ADAMTS14: variants seen among roughly 807,000 people sequenced by gnomAD.
ADAMTS14 encodes the protein ADAM metallopeptidase with thrombospondin type 1 motif 14, also known as A disintegrin and metalloproteinase with thrombospondin motifs 14.
In ADAMTS14, 100 loss-of-function variants were observed where a neutral mutation model predicts 128.6. That is an observed-to-expected ratio of 0.78 (90% CI 0.66 to 0.92). The LOEUF (loss-of-function observed/expected upper bound fraction) is 0.92. Among genes scored for constraint, ADAMTS14 ranks in the 40% least tolerant of loss-of-function variants. The pLI, the probability that ADAMTS14 is intolerant of heterozygous loss-of-function variation, is 0.00. For synonymous variants in ADAMTS14, 665 were observed against 653.8 expected, an observed-to-expected ratio of 1.02 and a Z score of -0.26; for missense variants, 1,562 against 1,658.6, an observed-to-expected ratio of 0.94 and a Z score of 1.01.
intron 9 of ADAMTS14, among the ~76,000 whole-genome samples, chr10:70,736,452 T>C (rs1217239672): frequency 1.3e-5 from 2 of 152,060 alleles, no homozygotes; most frequent in Non-Finnish European, 2.9e-5. Flanking sequence ...GACAAGAGCA[T>C]GGGCCATGGC....
intron 17 of ADAMTS14, among the ~76,000 whole-genome samples, 161 bp downstream of exon 17, chr10:70,751,807 C>T (rs1158927426): frequency 6.6e-6 from 1 of 152,216 alleles, no homozygotes; most frequent in Non-Finnish European, 1.5e-5. Context: ...TTGGGCAGGG[C>T]CTTTGGGATG....
chr10:70,687,961 G>C (rs1229349011), intron 2 of ADAMTS14, among the ~76,000 whole-genome samples: 1 of 68,054 alleles, frequency 1.5e-5, no homozygotes. Context: ...CGGGCGGGGG[G>C]CTGACCCCCC....
intron 12 of ADAMTS14, among the ~76,000 whole-genome samples, chr10:70,742,619 C>T (rs1330615277): frequency 6.6e-6 from 1 of 152,220 alleles, no homozygotes; most frequent in Non-Finnish European, 1.5e-5. Flanking sequence ...CTTCCAGATC[C>T]ATTCAGAAAC....
At chr10:70,748,301 G>A (rs1290311450) in intron 15 of ADAMTS14, among the ~76,000 whole-genome samples, 1 of 152,142 alleles carries the variant, frequency 6.6e-6, no homozygotes, top group African/African-American at 2.4e-5. Context: ...GCATAATCAG[G>A]GCTCTGCTAC....
At chr10:70,743,314 G>A (rs567887825) in intron 12 of ADAMTS14, among the ~76,000 whole-genome samples, 1 of 152,286 alleles carries the variant, frequency 6.6e-6, no homozygotes, top group Admixed American at 6.5e-5. Flanking sequence ...GCATTTTACT[G>A]ATTAGGGATA....
intron 19 of ADAMTS14, among the ~76,000 whole-genome samples, chr10:70,757,161 G>A (rs1293320907): frequency 6.6e-6 from 1 of 152,052 alleles, no homozygotes; most frequent in African/African-American, 2.4e-5. Flanking sequence ...TGGAGTCCCT[G>A]CCCCTCCATT....
chr10:70,752,893 C>A (rs946117388), intron 18 of ADAMTS14, among the ~76,000 whole-genome samples: 1 of 152,202 alleles, frequency 6.6e-6, no homozygotes, highest in African/African-American at 2.4e-5. Flanking sequence ...CTGTCTGTGC[C>A]CAGGCCAGGC....
chr10:70,727,186 A>G (rs1235100089), intron 4 of ADAMTS14, among the ~76,000 whole-genome samples: 1 of 152,158 alleles, frequency 6.6e-6, no homozygotes, highest in East Asian at 1.9e-4. Context: ...TGCTGCCCAC[A>G]GTTTCGTGCT....
intron 21 of ADAMTS14, among the ~76,000 whole-genome samples, chr10:70,759,877 C>G (rs1842564312): frequency 6.6e-6 from 1 of 152,142 alleles, no homozygotes. Flanking sequence ...TAGGTCACAC[C>G]CTAGATTGTC....
intron 15 of ADAMTS14, among the ~76,000 whole-genome samples, chr10:70,747,093 A>C (rs529993081): frequency 6.6e-6 from 1 of 152,360 alleles, no homozygotes; most frequent in East Asian, 1.9e-4. Context: ...TCATCAAAAT[A>C]GCAATTTGTA....
chr10:70,760,415 C>G lies in ADAMTS14; in HGVS notation c.3234C>G (p.Arg1078=). Residue 1078 remains arginine (R), a synonymous_variant, in exon 22 of 22, where the codon CGC becomes CGG. Coordinates refer to ENST00000373207, the MANE Select transcript of ADAMTS14 (RefSeq NM_080722.4). ...SVFCQMEVLD[R]YCSIPGYHRL... ...TCTGCCAGATGGAAGTGCTCGATCG[C>G]TACTGCTCCATTCCCGGCTACCACC... 1 of 1,611,422 alleles carries G rather than the reference C, an allele frequency of 6.2e-7. No homozygotes were observed. Among genetic ancestry groups the G allele is most frequent in the East Asian group, 2.2e-5 (1 of 44,848 alleles).
intron 2 of ADAMTS14, among the ~76,000 whole-genome samples, chr10:70,692,772 C>T (rs193082589): frequency 1.3e-5 from 2 of 152,350 alleles, no homozygotes; most frequent in Admixed American, 1.3e-4. Flanking sequence ...TTAAAATCAT[C>T]CTCTATCAGT....
rs1384472640 is a variant in ADAMTS14, at chr10:70,708,614, C to A, written c.706C>A (p.Leu236Met). 1 of 1,609,414 alleles carries A rather than the reference C, an allele frequency of 6.2e-7. No homozygotes were observed. ...CTTTGGCCTGGGAGACCTTCCCAAC[C>A]TGCTGGGCCTGGTGGGGGACCAGCT... ...EAFGLGDLPN[L>M]LGLVGDQLGD... The change falls in exon 4 of 22, where the codon CTG (leucine) becomes ATG (methionine). Residue 236 changes from leucine (L) to methionine (M), a missense_variant. Leu to Met is a conservative substitution (Grantham distance 15). Coordinates refer to ENST00000373207, the MANE Select transcript of ADAMTS14 (RefSeq NM_080722.4).
intron 2 of ADAMTS14, among the ~76,000 whole-genome samples, chr10:70,687,190 AC>A (rs1178652455): frequency 3.5e-3 from 229 of 65,664 alleles, no homozygotes; most frequent in Middle Eastern, 0.016. Flanking sequence ...AGGGGGGCTG[AC>A]CCCCCCCACC....
intron 12 of ADAMTS14, among the ~76,000 whole-genome samples, chr10:70,742,740 C>A (rs961075205): frequency 2.6e-5 from 4 of 152,180 alleles, no homozygotes; most frequent in African/African-American, 9.7e-5. Context: ...GTTAGCTAAG[C>A]CCCCAACTTC....
At chr10:70,751,689 A>G (rs1210712650) in intron 17 of ADAMTS14, 43 bp downstream of exon 17, 3 of 1,589,814 alleles carry the variant, frequency 1.9e-6, no homozygotes, top group Non-Finnish European at 2.6e-6. Context: ...GGGGCAGCCC[A>G]GGATCCCTTG....
At chr10:70,706,197 A>T (rs973560623) in intron 3 of ADAMTS14, among the ~76,000 whole-genome samples, 1 of 152,134 alleles carries the variant, frequency 6.6e-6, no homozygotes, top group Non-Finnish European at 1.5e-5. Flanking sequence ...GTCCTCCCCA[A>T]TTCCCCAGAA....
intron 4 of ADAMTS14, among the ~76,000 whole-genome samples, chr10:70,723,034 G>A (rs552633416): frequency 1.5e-3 from 230 of 152,320 alleles, no homozygotes; most frequent in African/African-American, 5.4e-3. Context: ...TCAGCTGGGT[G>A]ATGAAGGCCA....
intron 9 of ADAMTS14, among the ~76,000 whole-genome samples, chr10:70,735,999 G>A (rs1056316615): frequency 1.3e-5 from 2 of 152,252 alleles, no homozygotes; most frequent in Non-Finnish European, 2.9e-5. Context: ...GGAATGGGGA[G>A]CGCCCCCAAC....
Sources: allele counts gnomAD v4.1 joint callset (sites outside exome capture counted in the v4.1 genomes callset), GRCh38; gene constraint gnomAD v4.1.1; transcripts MANE v1.5; gene names NCBI Gene and HGNC (gene_info 2026-07-23, HGNC 2026-07-21).